Variants in MAP2K6 observed in about 807,000 individuals in gnomAD.
MAP2K6 encodes dual specificity mitogen-activated protein kinase kinase 6.
A neutral mutation model predicts 53.7 loss-of-function variants in MAP2K6; 16 were observed. The observed-to-expected ratio is 0.30, with a 90% CI of 0.20 to 0.45. MAP2K6 has a LOEUF of 0.45. Among genes scored for constraint, MAP2K6 ranks in the 20% least tolerant of loss-of-function variants. The pLI is 1.00. For missense variants in MAP2K6, 204 were observed against 411.9 expected, an observed-to-expected ratio of 0.50 and a Z score of 4.37; for synonymous variants, 132 against 143.1, an observed-to-expected ratio of 0.92 and a Z score of 0.55.
chr17:69,520,868 C>G (rs928002911), intron 6 of MAP2K6, 181 bp from the exon 7 acceptor site: 1 of 526,700 alleles, frequency 1.9e-6, no homozygotes, highest in Non-Finnish European at 3.4e-6. Context: ...ATACAGTCCT[C>G]TCTGGTGGAT....
chr17:69,445,409 CA>C, intron 1 of MAP2K6, among the ~76,000 whole-genome samples: 1 of 152,284 alleles, frequency 6.6e-6, no homozygotes, highest in Non-Finnish European at 1.5e-5. Context: ...GTTCATTTAA[CA>C]AAAGTGAAAT....
chr17:69,422,997 C>T (rs1019617606), intron 1 of MAP2K6, among the ~76,000 whole-genome samples: 4 of 152,320 alleles, frequency 2.6e-5, no homozygotes, highest in African/African-American at 7.2e-5. Context: ...GATCCTCCTG[C>T]CTCAGCCTCC....
intron 10 of MAP2K6, among the ~76,000 whole-genome samples, chr17:69,529,029 G>A (rs1910940394): frequency 6.6e-6 from 1 of 152,030 alleles, no homozygotes; most frequent in African/African-American, 2.4e-5. Context: ...GATTCTGGGT[G>A]CTTTAGGAAA....
intron 1 of MAP2K6, among the ~76,000 whole-genome samples, chr17:69,443,450 T>C (rs1319203608): frequency 3.9e-5 from 6 of 152,220 alleles, no homozygotes; most frequent in Non-Finnish European, 8.8e-5. Flanking sequence ...CTACGTCATA[T>C]AAAATATTCT....
chr17:69,451,862 G>C (rs1303529134), intron 1 of MAP2K6, among the ~76,000 whole-genome samples: 3 of 152,158 alleles, frequency 2.0e-5, no homozygotes, highest in African/African-American at 7.2e-5. Context: ...AGAGGAGAGA[G>C]TGCCTCAGGC....
intron 2 of MAP2K6, among the ~76,000 whole-genome samples, chr17:69,508,601 C>CT (rs1448532601): frequency 6.6e-6 from 1 of 152,104 alleles, no homozygotes. Context: ...TGTAATTTGT[C>CT]TTTTTATGCT....
rs1488700600 is a variant in MAP2K6 at position 69,548,735 on chromosome 17, A to G, written c.*6982A>G. 2.0e-5 allele frequency: 3 copies of G among 152,318 alleles called. No homozygotes were observed. The East Asian group carries it at 5.8e-4, about 29-fold the overall frequency. The allele number at this position is 152,318 out of a possible 1,614,324, so 9.4% of individuals were successfully genotyped here. A position where few individuals can be genotyped will look rare whatever the true frequency, so the allele number is the denominator to read the frequency against. ...CTCACTACCTGTTCCTGGTGACTAC[A>G]TAGAAGATGTGTTATTTTTCTGAGG... is the stretch of plus-strand genomic sequence containing the variant. On this transcript the variant is annotated 3_prime_UTR_variant, in exon 12 of 12. Coordinates refer to ENST00000590474, the MANE Select transcript of MAP2K6 (RefSeq NM_002758.4).
chr17:69,427,300 C>T (rs968586734), intron 1 of MAP2K6, among the ~76,000 whole-genome samples: 3 of 151,968 alleles, frequency 2.0e-5, no homozygotes, highest in African/African-American at 4.8e-5. Flanking sequence ...GAAAGTTCTT[C>T]GTATTACCAA....
chr17:69,528,553 G>A (rs1220940950), intron 10 of MAP2K6, among the ~76,000 whole-genome samples: 1 of 151,846 alleles, frequency 6.6e-6, no homozygotes, highest in African/African-American at 2.4e-5. Context: ...GATGTTTAAG[G>A]TCACATCAAA....
At chr17:69,518,470 A>G (rs577032035) in intron 4 of MAP2K6, among the ~76,000 whole-genome samples, 3 of 152,326 alleles carry the variant, frequency 2.0e-5, no homozygotes, top group African/African-American at 7.2e-5. Context: ...AAGGAGGGTA[A>G]AATATATCTA....
At chr17:69,485,740 GT>G (rs1313023519) in intron 1 of MAP2K6, among the ~76,000 whole-genome samples, 1 of 152,134 alleles carries the variant, frequency 6.6e-6, no homozygotes, top group African/African-American at 2.4e-5. Context: ...CCTGTCTCCT[GT>G]GTTCTTGATC....
intron 1 of MAP2K6, among the ~76,000 whole-genome samples, chr17:69,443,970 G>A (rs753600411): frequency 6.6e-6 from 1 of 152,140 alleles, no homozygotes; most frequent in Non-Finnish European, 1.5e-5. Context: ...GTGTCTGGGT[G>A]TATTGTCCTT....
chr17:69,430,505 T>C (rs1906427736), intron 1 of MAP2K6, among the ~76,000 whole-genome samples: 2 of 152,230 alleles, frequency 1.3e-5, no homozygotes, highest in African/African-American at 2.4e-5. Flanking sequence ...TTCTTTCAGC[T>C]TCAGCAGCAA....
intron 1 of MAP2K6, among the ~76,000 whole-genome samples, chr17:69,488,178 C>CA (rs1411601533): frequency 4.6e-5 from 7 of 151,932 alleles, no homozygotes; most frequent in Admixed American, 6.6e-5. Flanking sequence ...AGAAGACATA[C>CA]AAAAAAATGC....
intron 1 of MAP2K6, among the ~76,000 whole-genome samples, chr17:69,472,504 C>G (rs1869472663): frequency 6.6e-6 from 1 of 152,114 alleles, no homozygotes; most frequent in South Asian, 2.1e-4. Flanking sequence ...TTTCCTCTTA[C>G]ATCTCAAAGA....
intron 1 of MAP2K6, chr17:69,502,058 G>A (rs1909198684): frequency 1.9e-6 from 1 of 533,988 alleles, no homozygotes; most frequent in Non-Finnish European, 2.4e-6. Context: ...AAATCAAAGA[G>A]GCATTTATAG....
intron 1 of MAP2K6, among the ~76,000 whole-genome samples, chr17:69,448,514 G>A (rs532296337): frequency 6.6e-6 from 1 of 152,194 alleles, no homozygotes; most frequent in South Asian, 2.1e-4. Flanking sequence ...GCTTGCTGCC[G>A]AGTCTGCCCA....
chr17:69,500,299 G>A (rs1410683880), intron 1 of MAP2K6, among the ~76,000 whole-genome samples: 1 of 151,766 alleles, frequency 6.6e-6, no homozygotes, highest in Non-Finnish European at 1.5e-5. Flanking sequence ...AATTAGGCGG[G>A]TGGGGTGGCA....
chr17:69,441,388 G>A (rs975025545), intron 1 of MAP2K6, among the ~76,000 whole-genome samples: 1 of 151,678 alleles, frequency 6.6e-6, no homozygotes, highest in African/African-American at 2.4e-5. Context: ...TTGATTCTCT[G>A]CTTTGTATCT....
Sources: gnomAD v4.1 joint callset for allele counts (sites outside exome capture counted in the v4.1 genomes callset) on GRCh38, gnomAD v4.1.1 for gene constraint, MANE v1.5 for transcripts, NCBI Gene and HGNC (gene_info 2026-07-23, HGNC 2026-07-21) for gene names.